ACTN4: variants seen among roughly 807,000 people sequenced by gnomAD.
The protein encoded by ACTN4 is alpha-actinin-4.
In ACTN4, 18 loss-of-function variants were observed where a neutral mutation model predicts 114.2. The ratio of observed to expected loss-of-function variants is 0.16; its 90% CI spans 0.11 to 0.23. The LOEUF (loss-of-function observed/expected upper bound fraction) is 0.23. ACTN4 is among the 10% of genes least tolerant of loss of function. The pLI is 1.00. For synonymous variants in ACTN4, 515 were observed against 506.3 expected (o/e 1.02, Z -0.23); for missense variants, 722 against 1,262.9 (o/e 0.57, Z 6.49).
rs774937453 is a variant in ACTN4, at chr19:38,727,041, G to A, written c.2275G>A (p.Ala759Thr). 6.8e-6 allele frequency: 11 copies of A among 1,614,028 alleles called. No individual in the cohort carries two copies. In the South Asian group the frequency reaches 8.8e-5, roughly 13 times the overall value. ...EVENQILTRD[A>T]KGISQEQMQE... ...GGAGAACCAGATCCTCACCCGCGAC[G>A]CCAAGGGCATCAGCCAGGAGCAGAT... is the stretch of plus-strand genomic sequence containing the variant. Residue 759 changes from alanine (A) to threonine (T), a missense_variant, in exon 18 of 21, where the codon GCC becomes ACC. Around this residue, in one of 3 missense-constraint regions of ACTN4, gnomAD observed 523 missense variants for 875.9 expected, o/e 0.60. Transcript: ENST00000252699. This position sits in a 1 kb window ranked among gnomAD's most constrained non-coding sequence, Gnocchi z 5.4.
Position 38,656,786 on chromosome 19 carries a change from C to A in ACTN4, c.162+8879C>A, listed in dbSNP as rs539902356. On this transcript the variant is annotated intron_variant, in intron 1 of 20. Coordinates refer to ENST00000252699, the MANE Select transcript of ACTN4 (RefSeq NM_004924.6). ...TTTTATGTTTTTTAAAGTTTCCCCC[C>A]CAAAGGTGTGGGGCTGAGTGATGTC... is the stretch of plus-strand genomic sequence containing the variant. 1.4e-4 allele frequency among the ~76,000 whole-genome samples: 22 copies of A among 152,258 alleles called. No homozygotes were observed. The East Asian group carries it at 2.5e-3, about 17-fold the overall frequency.
intron 8 of ACTN4, among the ~76,000 whole-genome samples, chr19:38,712,497 A>G (rs993469385): frequency 6.6e-6 from 1 of 152,050 alleles, no homozygotes; most frequent in Non-Finnish European, 1.5e-5. Context: ...GGCAGCTGCC[A>G]TTTAGGCAGC....
rs541648124 is a variant in ACTN4, at chr19:38,659,331, A to G, written c.162+11424A>G. On this transcript the variant is annotated intron_variant, in intron 1 of 20. Coordinates refer to ENST00000252699, the MANE Select transcript of ACTN4 (RefSeq NM_004924.6). ...CTAGGCCTCCCAAAGTGCTGGGATT[A>G]CAGGTATGAGCCACCGCGCCCAGCC... 2.7e-4 allele frequency among the ~76,000 whole-genome samples: 41 copies of G among 152,184 alleles called. 1 individual carries two copies. In the South Asian group the frequency reaches 8.3e-3, roughly 31 times the overall value.
intron 1 of ACTN4, among the ~76,000 whole-genome samples, chr19:38,676,068 C>T (rs1249333085): frequency 6.6e-6 from 1 of 152,098 alleles, no homozygotes; most frequent in African/African-American, 2.4e-5. Context: ...CAGGATGCAG[C>T]GGGATGGAGC....
At chr19:38,672,227 T>TA (rs1166048061) in intron 1 of ACTN4, among the ~76,000 whole-genome samples, 6 of 148,720 alleles carry the variant, frequency 4.0e-5, no homozygotes, top group Admixed American at 6.9e-5. Context: ...CAGTATTTCT[T>TA]ACATGTGGTT....
rs185466808 is a variant in ACTN4 at position 38,701,994 on chromosome 19, G to C, written c.397+873G>C. ...CGGCCCAGGACCTCTGCGATGAGGGGTGCCAAGCCTTGCATGCCACAGTCG... is the reference window on the plus strand; with the variant it reads ...CGGCCCAGGACCTCTGCGATGAGGGCTGCCAAGCCTTGCATGCCACAGTCG... On this transcript the variant is annotated intron_variant, in intron 3 of 20. Transcript: ENST00000252699. Among the ~76,000 whole-genome samples the C allele has an allele frequency of 1.8e-4, 28 of 152,324 alleles. No individual in the cohort carries two copies. In the East Asian group the frequency reaches 5.2e-3, roughly 28 times the overall value.
At chr19:38,716,902 C>T (rs756931055) in intron 9 of ACTN4, among the ~76,000 whole-genome samples, 184 bp from the exon 10 acceptor site, 13 of 152,264 alleles carry the variant, frequency 8.5e-5, no homozygotes, top group Admixed American at 4.6e-4. Context: ...GGAGCCCACG[C>T]TCCCAGAGTT....
rs376483785 is a variant in ACTN4, at chr19:38,727,603, C to T, written c.2338-343C>T. 7.9e-5 allele frequency among the ~76,000 whole-genome samples: 12 copies of T among 151,850 alleles called. No individual in the cohort carries two copies. The South Asian group carries it at 1.9e-3, about 24-fold the overall frequency. On this transcript the variant is annotated intron_variant, in intron 18 of 20. Transcript: ENST00000252699. The surrounding 1 kb of genome is among the most constrained non-coding windows in gnomAD (Gnocchi z 5.4). ...ACAGGATACAGTCCCCTCTGTCCCA[C>T]TCCAAATCCCAAAGGCAAGGAGAAC... is the stretch of plus-strand genomic sequence containing the variant.
chr19:38,716,961 C>A (rs1968861837), intron 9 of ACTN4, 125 bp from the exon 10 acceptor site: 2 of 1,062,802 alleles, frequency 1.9e-6, no homozygotes, highest in Non-Finnish European at 2.8e-6. Context: ...GGCTGGGGAG[C>A]AGGGGTAACC....
At chr19:38,693,940 C>T (rs1239766406) in intron 1 of ACTN4, among the ~76,000 whole-genome samples, 1 of 152,240 alleles carries the variant, frequency 6.6e-6, no homozygotes, top group African/African-American at 2.4e-5. Flanking sequence ...CACCCCCCTT[C>T]CCCGCACTCA....
chr19:38,665,479 G>A (rs963558115), intron 1 of ACTN4, among the ~76,000 whole-genome samples: 3 of 152,214 alleles, frequency 2.0e-5, no homozygotes, highest in Non-Finnish European at 2.9e-5. Flanking sequence ...GGTGGGATCT[G>A]CTACTTGAGT....
intron 1 of ACTN4, among the ~76,000 whole-genome samples, chr19:38,651,457 A>G (rs1236088020): frequency 5.3e-5 from 8 of 152,122 alleles, no homozygotes; most frequent in Admixed American, 5.2e-4. Context: ...CAATTTCTAA[A>G]AGTGGCCTGG....
intron 1 of ACTN4, among the ~76,000 whole-genome samples, chr19:38,698,414 C>G (rs1183424065): frequency 6.6e-6 from 1 of 152,186 alleles, no homozygotes; most frequent in Non-Finnish European, 1.5e-5. Context: ...AGTTAGTACT[C>G]TCCGCAGTGA....
intron 1 of ACTN4, among the ~76,000 whole-genome samples, chr19:38,687,668 A>G (rs747686355): frequency 6.6e-6 from 1 of 152,244 alleles, no homozygotes; most frequent in Non-Finnish European, 1.5e-5. Flanking sequence ...TAAGAGCTAA[A>G]ACTGTAAAAC....
chr19:38,691,657 C>A (rs1385818075), intron 1 of ACTN4, among the ~76,000 whole-genome samples: 2 of 152,032 alleles, frequency 1.3e-5, no homozygotes, highest in Non-Finnish European at 2.9e-5. Flanking sequence ...AATCCCAGCA[C>A]TTTGGGAGGC....
At chr19:38,695,677 G>A (rs1036325576) in intron 1 of ACTN4, among the ~76,000 whole-genome samples, 5 of 152,142 alleles carry the variant, frequency 3.3e-5, no homozygotes, top group Non-Finnish European at 7.4e-5. Flanking sequence ...CTCGGAGTGG[G>A]CTCTGTCCCT....
chr19:38,662,399 G>A (rs1183339081), intron 1 of ACTN4, among the ~76,000 whole-genome samples: 3 of 152,174 alleles, frequency 2.0e-5, no homozygotes, highest in African/African-American at 7.2e-5. Context: ...AACAAAAATC[G>A]CCCCGTGGGT....
chr19:38,674,275 G>A (rs1967305318), intron 1 of ACTN4, among the ~76,000 whole-genome samples: 1 of 152,152 alleles, frequency 6.6e-6, no homozygotes, highest in Non-Finnish European at 1.5e-5. Flanking sequence ...TGTGGGAAGA[G>A]AGAAATAAAA....
At chr19:38,701,256 C>T in intron 3 of ACTN4, 135 bp downstream of exon 3, 2 of 1,417,122 alleles carry the variant, frequency 1.4e-6, no homozygotes, top group Non-Finnish European at 1.9e-6. Flanking sequence ...AGTACATACT[C>T]AGCAGTGATC....
Sources: allele counts gnomAD v4.1 joint callset (sites outside exome capture counted in the v4.1 genomes callset), GRCh38; gene constraint gnomAD v4.1.1; regional missense constraint gnomAD v4.1.1; non-coding constraint Gnocchi (gnomAD v3.1); transcripts MANE v1.5; gene names NCBI Gene and HGNC (gene_info 2026-07-23, HGNC 2026-07-21).